ZBTB7C: variants seen among roughly 807,000 people sequenced by gnomAD.
ZBTB7C encodes the protein zinc finger and BTB domain-containing protein 7C.
A neutral mutation model predicts 25.7 loss-of-function variants in ZBTB7C; 8 were observed. That is an observed-to-expected ratio of 0.31 (90% confidence interval 0.18 to 0.56). The LOEUF (loss-of-function observed/expected upper bound fraction) is 0.56. Ranked by LOEUF, ZBTB7C falls within the 20% of genes least tolerant of loss-of-function variation. The pLI, the probability that ZBTB7C is intolerant of heterozygous loss-of-function variation, is 0.91. For missense variants in ZBTB7C, 824 were observed against 855.2 expected (o/e 0.96, Z 0.46); for synonymous variants, 394 against 369.0 (o/e 1.07, Z -0.78).
In ZBTB7C at chr18:48,379,472, C is replaced by A. The variant is rs1056624704; in HGVS notation, c.-304+29754G>T. On this transcript the variant is annotated intron_variant, in intron 1 of 4. Transcript: ENST00000590800. ...ACTATGGAGTCTTCCTATCCATGAA[C>A]ATGTTCGGTTTTGTTTTTTACCCCA... is the stretch of plus-strand genomic sequence containing the variant. Among the ~76,000 whole-genome samples, 12 of 152,270 alleles carry A rather than the reference C, an allele frequency of 7.9e-5. 1 individual carries two copies. The East Asian group carries it at 2.3e-3, about 29-fold the overall frequency.
intron 2 of ZBTB7C, among the ~76,000 whole-genome samples, chr18:48,196,165 C>T (rs138642248): frequency 1.4e-3 from 215 of 152,294 alleles, no homozygotes; most frequent in Middle Eastern, 6.8e-3. Context: ...CTTATCCAGA[C>T]CTAGGAAGGC....
At position 48,395,446 on chromosome 18, in the gene ZBTB7C, G is replaced by A. The variant is rs183985663; in HGVS notation, c.-304+13780C>T. On this transcript the variant is annotated intron_variant, in intron 1 of 4. Coordinates refer to ENST00000590800, the MANE Select transcript of ZBTB7C (RefSeq NM_001318841.2). ...TGTGTATGAATGTGGATGTGTGCAT[G>A]TGTGTTCTATTCAAATGTGTGTGTG... is the stretch of plus-strand genomic sequence containing the variant. Among the ~76,000 whole-genome samples the A allele has an allele frequency of 4.4e-4, 58 of 132,236 alleles. No individual in the cohort carries two copies. In the East Asian group the frequency reaches 0.012, roughly 27 times the overall value. The allele number at this position is 132,236 out of a possible 152,430, so 86.8% of individuals were successfully genotyped here.
intron 2 of ZBTB7C, among the ~76,000 whole-genome samples, chr18:48,269,332 C>T (rs1265702309): frequency 6.6e-6 from 1 of 152,178 alleles, no homozygotes; most frequent in Non-Finnish European, 1.5e-5. Flanking sequence ...CAGGCTCCCT[C>T]AGGCCTTTGA....
intron 3 of ZBTB7C, among the ~76,000 whole-genome samples, chr18:48,132,556 G>T (rs2040019218): frequency 6.6e-6 from 1 of 152,206 alleles, no homozygotes; most frequent in Non-Finnish European, 1.5e-5. Context: ...TAAATGGGTG[G>T]ATTATATGCT....
intron 4 of ZBTB7C, among the ~76,000 whole-genome samples, chr18:48,032,427 T>TTTTTTTG (rs2035796771): frequency 2.7e-5 from 3 of 109,536 alleles, no homozygotes; most frequent in African/African-American, 1.2e-4. Context: ...GGTAGGTTTT[T>TTTTTTTG]TTTTTTTTTT....
intron 2 of ZBTB7C, among the ~76,000 whole-genome samples, chr18:48,196,077 A>T (rs2042311445): frequency 6.6e-6 from 1 of 152,206 alleles, no homozygotes; most frequent in South Asian, 2.1e-4. Context: ...AGCTGTGGGT[A>T]TCAGTCAGGG....
At chr18:48,361,605 C>T (rs765704623) in intron 1 of ZBTB7C, among the ~76,000 whole-genome samples, 8 of 152,214 alleles carry the variant, frequency 5.3e-5, no homozygotes, top group African/African-American at 1.9e-4. Context: ...GTCTTCTCTC[C>T]TCTCTCCCCT....
In ZBTB7C at chr18:48,368,932, C is replaced by T. The variant is rs180692830; in HGVS notation, c.-303-30534G>A. 2.3e-3 allele frequency among the ~76,000 whole-genome samples: 353 copies of T among 152,204 alleles called. 1 individual carries two copies. The highest frequency in any genetic ancestry group is 3.8e-3 in the Non-Finnish European group (259 of 67,986). On this transcript the variant is annotated intron_variant, in intron 1 of 4. Coordinates refer to ENST00000590800, the MANE Select transcript of ZBTB7C (RefSeq NM_001318841.2). ...TCTCTCCCCATCCCCTGGAGAAAAA[C>T]GGCTAAGGTAAGGTCTTTAAACCAA...
At chr18:48,222,682 A>T (rs757804249) in intron 2 of ZBTB7C, among the ~76,000 whole-genome samples, 8 of 152,164 alleles carry the variant, frequency 5.3e-5, no homozygotes, top group Non-Finnish European at 1.0e-4. Flanking sequence ...ACACAGACAC[A>T]GGGCAGGAGA....
chr18:48,285,272 CCTTTCAATT>C (rs1194838072), intron 2 of ZBTB7C, among the ~76,000 whole-genome samples: 6 of 152,142 alleles, frequency 3.9e-5, no homozygotes, highest in Admixed American at 3.3e-4. Context: ...GTCTTTTGTG[CCTTTCAATT>C]CTTTCAATTT....
chr18:48,365,415 T>A (rs892662994), intron 1 of ZBTB7C, among the ~76,000 whole-genome samples: 1 of 152,234 alleles, frequency 6.6e-6, no homozygotes, highest in Non-Finnish European at 1.5e-5. Flanking sequence ...GGTAATGGGA[T>A]GTCACTCTGT....
chr18:48,034,075 G>A (rs537908942), intron 4 of ZBTB7C, among the ~76,000 whole-genome samples: 1 of 152,260 alleles, frequency 6.6e-6, no homozygotes, highest in Admixed American at 6.5e-5. Flanking sequence ...CGTGAGTTTA[G>A]CTGGAATATG....
chr18:48,041,226 G>A, intron 3 of ZBTB7C, 103 bp from the exon 4 acceptor site: 2 of 1,445,998 alleles, frequency 1.4e-6, no homozygotes, highest in Non-Finnish European at 1.8e-6. Context: ...AGGGCTCCCT[G>A]TCCACTGCAA....
chr18:48,270,190 G>A (rs16949016), intron 2 of ZBTB7C, among the ~76,000 whole-genome samples: 9,540 of 149,038 alleles, frequency 0.064, 572 homozygotes, highest in East Asian at 0.18. Flanking sequence ...AAATATGAGA[G>A]TATACATCAA....
At chr18:48,074,014 CTT>C (rs575904548) in intron 3 of ZBTB7C, among the ~76,000 whole-genome samples, 23 of 138,642 alleles carry the variant, frequency 1.7e-4, no homozygotes, top group Middle Eastern at 3.8e-3. Flanking sequence ...AGAAAAATTT[CTT>C]TTTTTTTTTT....
intron 2 of ZBTB7C, among the ~76,000 whole-genome samples, chr18:48,272,563 C>A (rs1157760197): frequency 6.6e-6 from 1 of 152,142 alleles, no homozygotes; most frequent in Non-Finnish European, 1.5e-5. Flanking sequence ...TACTAGAATG[C>A]AAAATGGTGC....
chr18:48,262,916 A>G (rs2044211675), intron 2 of ZBTB7C, among the ~76,000 whole-genome samples: 1 of 152,068 alleles, frequency 6.6e-6, no homozygotes, highest in Non-Finnish European at 1.5e-5. Context: ...GCTGGGCCTC[A>G]CTGCAGAGCT....
At chr18:48,265,859 C>T (rs958284271) in intron 2 of ZBTB7C, among the ~76,000 whole-genome samples, 3 of 152,210 alleles carry the variant, frequency 2.0e-5, no homozygotes, top group Non-Finnish European at 4.4e-5. Flanking sequence ...TGATTCTGCA[C>T]TGGGCCCTTT....
chr18:48,107,490 C>T (rs1340248695), intron 3 of ZBTB7C, among the ~76,000 whole-genome samples: 1 of 152,204 alleles, frequency 6.6e-6, no homozygotes, highest in East Asian at 1.9e-4. Context: ...GCCAGGCACA[C>T]AGCAGGCTGG....
Sources: gnomAD v4.1 joint callset for allele counts (sites outside exome capture counted in the v4.1 genomes callset) on GRCh38, gnomAD v4.1.1 for gene constraint, MANE v1.5 for transcripts, NCBI Gene and HGNC (gene_info 2026-07-23, HGNC 2026-07-21) for gene names.